PCNT: variants seen among roughly 807,000 people sequenced by gnomAD.
PCNT encodes pericentrin.
Under a neutral mutation model 380.4 loss-of-function variants are expected in PCNT, and 319 were observed. The observed-to-expected ratio is 0.84, with a 90% CI of 0.77 to 0.92. The LOEUF (loss-of-function observed/expected upper bound fraction) is 0.92, where lower values mean the gene tolerates loss of function less well. Ranked by LOEUF, PCNT falls within the 40% of genes least tolerant of loss-of-function variation. The pLI is 0.00. For synonymous variants in PCNT, 1,845 were observed against 1,735.2 expected (o/e 1.06, Z -1.57); for missense variants, 4,400 against 4,255.3 (o/e 1.03, Z -0.95).
chr21:46,405,436 G>T (rs1389370368), intron 27 of PCNT, among the ~76,000 whole-genome samples: 1 of 152,174 alleles, frequency 6.6e-6, no homozygotes, highest in South Asian at 2.1e-4. Flanking sequence ...GGTGGCTCAC[G>T]CCTGTAATCC....
chr21:46,346,956 C>T lies in PCNT; in HGVS notation c.934C>T (p.Arg312Trp), dbSNP rs572076735. ...ELELLREQHAREKEEVVLRCG... is the reference protein window; with the variant it reads ...ELELLREQHAWEKEEVVLRCG... Reference sequence around the variant, plus strand: ...GGAGCTCCTCAGGGAGCAGCACGCACGGGAGAAGGAGGAGGTGGTGCTCAG... The same window carrying T: ...GGAGCTCCTCAGGGAGCAGCACGCATGGGAGAAGGAGGAGGTGGTGCTCAG... Residue 312 changes from arginine (R) to tryptophan (W), a missense_variant, in exon 5 of 47, where the codon CGG becomes TGG. Arg to Trp is a moderately radical substitution (Grantham distance 101). Transcript: ENST00000359568. 118 of 1,596,716 alleles carry T rather than the reference C, an allele frequency of 7.4e-5. 1 individual carries two copies. The highest frequency in any genetic ancestry group is 2.0e-4 in the Middle Eastern group (1 of 4,948).
At chr21:46,329,384 T>G (rs924648195) in intron 2 of PCNT, among the ~76,000 whole-genome samples, 2 of 152,218 alleles carry the variant, frequency 1.3e-5, no homozygotes, top group Non-Finnish European at 2.9e-5. Flanking sequence ...AAATTAACAG[T>G]GGTGGTCAGA....
rs150850349 is a variant in PCNT at position 46,382,151 on chromosome 21, G to A, written c.3312+311G>A. 0.046 allele frequency among the ~76,000 whole-genome samples: 6,550 copies of A among 143,924 alleles called. 784 individuals carry two copies. Among genetic ancestry groups the A allele is most frequent in the Non-Finnish European group, 0.068 (4,450 of 65,758 alleles). The allele number at this position is 143,924 out of a possible 152,430, so 94.4% of individuals were successfully genotyped here. On this transcript the variant is annotated intron_variant, in intron 16 of 46. Transcript: ENST00000359568. ...CGGTGTTGTGCATTCAGTGGCGGAA[G>A]CGCATTCATAGTGTAGATTCAGTGG...
At chr21:46,325,008 C>T in intron 1 of PCNT, 2 of 985,336 alleles carry the variant, frequency 2.0e-6, no homozygotes, top group Non-Finnish European at 2.4e-6. Context: ...GGAACCCACG[C>T]GGCGCTGGCG....
intron 3 of PCNT, among the ~76,000 whole-genome samples, chr21:46,341,874 T>C (rs568053222): frequency 9.2e-5 from 14 of 152,080 alleles, no homozygotes; most frequent in African/African-American, 3.1e-4. Context: ...AGATGGAGTC[T>C]TGTTACATTC....
intron 19 of PCNT, 22 bp from the exon 20 acceptor site, chr21:46,390,648 A>G (rs758269413): frequency 6.2e-7 from 1 of 1,613,236 alleles, no homozygotes; most frequent in Admixed American, 1.7e-5. Context: ...TGGAGTTTTG[A>G]TTTGCAAATG....
rs746293993 is a variant in PCNT at position 46,363,780 on chromosome 21, G to A, written c.2455G>A (p.Gly819Ser). The change falls in exon 14 of 47, where the codon GGC (glycine) becomes AGC (serine). Residue 819 changes from glycine (G) to serine (S), a missense_variant. Transcript: ENST00000359568. ...DLERSLTEQQ[G>S]RLQQLEQDLT... ...GGAGAGGTCCTTGACGGAGCAGCAG[G>A]GCCGCCTGCAGCAGCTGGAACAGGA... The A allele has an allele frequency of 6.2e-7, 1 of 1,613,824 alleles. No homozygotes were observed. Among genetic ancestry groups the A allele is most frequent in the Non-Finnish European group, 8.5e-7 (1 of 1,179,796 alleles).
chr21:46,440,341 C>G (rs1211903980), intron 42 of PCNT, 139 bp downstream of exon 42: 1 of 909,026 alleles, frequency 1.1e-6, no homozygotes, highest in Non-Finnish European at 1.8e-6. Context: ...AAAGGACGTT[C>G]ACAGAATAAA....
Position 46,363,906 on chromosome 21 carries a change from G to A in PCNT, c.2581G>A (p.Ala861Thr), listed in dbSNP as rs377283848. Reference sequence around the variant, plus strand: ...TGCGCTCCACGTGAAGGAAGACTGCGCCCTGCAGCTGATGCTGGCCCGGAG... The same window carrying A: ...TGCGCTCCACGTGAAGGAAGACTGCACCCTGCAGCTGATGCTGGCCCGGAG... ...LAALHVKEDC[A>T]LQLMLARSRF... The change falls in exon 14 of 47, where the codon GCC becomes ACC. Residue 861 changes from alanine (A) to threonine (T), a missense_variant. By Grantham distance (58) the Ala-to-Thr change is moderately conservative (BLOSUM62 0). Transcript: ENST00000359568. The A allele has an allele frequency of 2.9e-5, 47 of 1,610,628 alleles. No homozygotes were observed. The highest frequency in any genetic ancestry group is 2.7e-4 in the East Asian group (12 of 44,896).
At position 46,354,036 on chromosome 21, in the gene PCNT, C is replaced by G. The variant is rs750783270; in HGVS notation, c.1729C>G (p.His577Asp). ...GAAACCTGAGAAAGGAAGAAAAGAT[C>G]ACGTTGATGAACTCGAGCCTGAGCG... ...EEKPEKGRKD[H>D]VDELEPERHK... The change falls in exon 11 of 47, where the codon CAC becomes GAC. Residue 577 changes from histidine to aspartate, a missense_variant. Physicochemically the swap from His to Asp is moderately conservative, Grantham distance 81. Coordinates refer to ENST00000359568, the MANE Select transcript of PCNT (RefSeq NM_006031.6). 6.2e-7 allele frequency: 1 copy of G among 1,613,982 alleles called. No individual in the cohort carries two copies. Among genetic ancestry groups the G allele is most frequent in the Non-Finnish European group, 8.5e-7 (1 of 1,179,968 alleles).
chr21:46,385,847 T>C lies in PCNT; in HGVS notation c.3328T>C (p.Leu1110=), dbSNP rs2085810712. The change falls in exon 17 of 47, where the codon TTA becomes CTA. Residue 1110 remains leucine, a synonymous_variant. Transcript: ENST00000359568. The part of the protein sequence containing the change: ...HQVQQLKDQV[L]SLSHEIEECR... ...TTCTCGATAGCTGAAAGACCAGGTT[T>C]TATCCTTAAGTCACGAGATAGAAGA... The C allele has an allele frequency of 6.2e-6, 10 of 1,614,220 alleles. No individual in the cohort carries two copies. The East Asian group carries it at 2.2e-4, about 36-fold the overall frequency.
chr21:46,402,182 A>G (rs2086450975), intron 26 of PCNT, 149 bp from the exon 27 acceptor site: 3 of 573,238 alleles, frequency 5.2e-6, no homozygotes, highest in Non-Finnish European at 9.0e-6. Flanking sequence ...CAGTTTTACC[A>G]TTTGTGTGCG....
Position 46,438,309 on chromosome 21 carries a change from A to G in PCNT, c.9245A>G (p.His3082Arg), listed in dbSNP as rs1280221687. ...AVSKLEKLLK[H>R]HLQKGCSPSR... ...TCTAAGCTTGAGAAGTTGCTGAAGCACCATCTGCAGAAGGGCTGCAGCCCA... is the reference window on the plus strand; with the variant it reads ...TCTAAGCTTGAGAAGTTGCTGAAGCGCCATCTGCAGAAGGGCTGCAGCCCA... The change falls in exon 41 of 47, where the codon CAC becomes CGC. Residue 3082 changes from histidine (H) to arginine (R), a missense_variant. Coordinates refer to ENST00000359568, the MANE Select transcript of PCNT (RefSeq NM_006031.6). 2 of 1,614,148 alleles carry G rather than the reference A, an allele frequency of 1.2e-6. No individual in the cohort carries two copies. Among genetic ancestry groups the G allele is most frequent in the Admixed American group, 3.3e-5 (2 of 60,022 alleles).
In PCNT at chr21:46,346,182, G is replaced by A. The variant is rs1439666184; in HGVS notation, c.694G>A (p.Asp232Asn). 2.5e-6 allele frequency: 4 copies of A among 1,608,304 alleles called. No individual in the cohort carries two copies. Residue 232 changes from aspartate to asparagine, a missense_variant, in exon 4 of 47, where the codon GAT (aspartate) becomes AAT (asparagine). Transcript: ENST00000359568. ...TACTGACCTGGAGAGCGGCCGTGAAGATGAGGCTGGCCTGCATCAGAGTCA... is the reference window on the plus strand; with the variant it reads ...TACTGACCTGGAGAGCGGCCGTGAAAATGAGGCTGGCCTGCATCAGAGTCA... ...AITDLESGRE[D>N]EAGLHQSQAV... is the part of the protein sequence containing the mutation.
intron 33 of PCNT, among the ~76,000 whole-genome samples, chr21:46,426,270 G>A (rs911784667): frequency 6.6e-6 from 1 of 151,816 alleles, no homozygotes; most frequent in African/African-American, 2.4e-5. Flanking sequence ...CAGACCTTGT[G>A]ATCCACCCGC....
chr21:46,343,250 C>T (rs995917785), intron 3 of PCNT, among the ~76,000 whole-genome samples: 3 of 152,186 alleles, frequency 2.0e-5, no homozygotes, highest in Admixed American at 1.3e-4. Context: ...CCTTCAACTT[C>T]TCCCTTTTCA....
intron 13 of PCNT, among the ~76,000 whole-genome samples, chr21:46,358,083 G>C (rs1194097699): frequency 6.6e-6 from 1 of 152,008 alleles, no homozygotes; most frequent in Admixed American, 6.6e-5. Context: ...GCAGCTCAGG[G>C]TCCGTCCCAT....
intron 27 of PCNT, among the ~76,000 whole-genome samples, chr21:46,403,978 C>G (rs13052957): frequency 0.022 from 2,286 of 105,512 alleles, 89 homozygotes; most frequent in South Asian, 0.039. Flanking sequence ...TGTGTGGTGC[C>G]CACGCGGCGC....
In PCNT at chr21:46,443,821, C is replaced by T. The variant is rs375303389; in HGVS notation, c.9712C>T (p.Arg3238Ter). The T allele has an allele frequency of 1.6e-5, 26 of 1,613,742 alleles. No individual in the cohort carries two copies. Among genetic ancestry groups the T allele is most frequent in the South Asian group, 4.4e-5 (4 of 91,060 alleles). ...GKAPRPGPRA[R>*]QPQSPPRTRE... is the part of the protein sequence containing the mutation. The stretch of plus-strand genomic sequence containing the variant: ...TAATTCTGGGGAAGGGCCCCGAGCA[C>T]GACAGCCGCAGTCTCCACCCAGAAC... The change falls in exon 45 of 47, where the codon CGA (arginine) becomes TGA (stop). Residue 3238 changes from arginine to a stop codon, truncating the protein, a stop_gained. Transcript: ENST00000359568. LOFTEE classifies it high-confidence loss of function.
Sources: gnomAD v4.1 joint callset for allele counts (sites outside exome capture counted in the v4.1 genomes callset) on GRCh38, gnomAD v4.1.1 for gene constraint, MANE v1.5 for transcripts, NCBI Gene and HGNC (gene_info 2026-07-23, HGNC 2026-07-21) for gene names.